Variants in SEMA5A observed in about 807,000 individuals in gnomAD.
The protein encoded by SEMA5A is semaphorin 5A, also known as semaphorin-5A.
SEMA5A carries 55 observed loss-of-function variants against 135.5 expected under a neutral mutation model. That is an observed-to-expected ratio of 0.41 (90% CI 0.33 to 0.51). The LOEUF is 0.51. SEMA5A is among the 20% of genes least tolerant of loss of function. SEMA5A has a pLI of 0.37. For synonymous variants in SEMA5A, 580 were observed against 546.5 expected, an observed-to-expected ratio of 1.06 and a Z score of -0.85; for missense variants, 1,290 against 1,419.9, an observed-to-expected ratio of 0.91 and a Z score of 1.47.
intron 1 of SEMA5A, chr5:9,511,190 G>T (rs1182115854): frequency 6.6e-6 from 1 of 152,040 alleles, no homozygotes; most frequent in Non-Finnish European, 1.5e-5. Context: ...AATTTTATAG[G>T]TATATTTACA....
At chr5:9,063,235 T>C (rs761182964) in intron 17 of SEMA5A, 130 bp from the exon 18 acceptor site, 1 of 908,994 alleles carries the variant, frequency 1.1e-6, no homozygotes, top group Non-Finnish European at 1.7e-6. Context: ...CGTTGAGCTC[T>C]TTTTACACTT....
chr5:9,283,134 G>A (rs546028870), intron 5 of SEMA5A, among the ~76,000 whole-genome samples: 47 of 152,290 alleles, frequency 3.1e-4, no homozygotes, highest in East Asian at 7.7e-4. Flanking sequence ...GATACAACTC[G>A]TTTTAGTTTC....
intron 1 of SEMA5A, among the ~76,000 whole-genome samples, chr5:9,508,993 A>G (rs899612375): frequency 6.6e-6 from 1 of 152,146 alleles, no homozygotes; most frequent in African/African-American, 2.4e-5. Context: ...AATGGCAGGC[A>G]TGATAAATCA....
At chr5:9,160,223 T>C (rs2256567) in intron 11 of SEMA5A, among the ~76,000 whole-genome samples, 79,099 of 151,964 alleles carry the variant, frequency 0.52, 23,946 homozygotes, top group Middle Eastern at 0.72. Context: ...TTCTCCTCCA[T>C]TGGAAGACTT....
At position 9,414,297 on chromosome 5, in the gene SEMA5A, C is replaced by T. The variant is rs991587657; in HGVS notation, c.-78+23459G>A. Among the ~76,000 whole-genome samples the T allele has an allele frequency of 1.7e-4, 26 of 152,150 alleles. 1 individual carries two copies. The highest frequency in any genetic ancestry group is 6.0e-4 in the African/African-American group (25 of 41,438). On this transcript the variant is annotated intron_variant, in intron 2 of 22. Transcript: ENST00000382496. ...CTACTTGGCTGCATTTAAGATCTAGCGATTCAACTATAAGGAAAAATTACT... is the reference window on the plus strand; with the variant it reads ...CTACTTGGCTGCATTTAAGATCTAGTGATTCAACTATAAGGAAAAATTACT...
At chr5:9,326,404 C>T (rs1213933706) in intron 4 of SEMA5A, among the ~76,000 whole-genome samples, 1 of 152,136 alleles carries the variant, frequency 6.6e-6, no homozygotes. Flanking sequence ...GTGCGCGCCA[C>T]CATGCCCAGC....
Position 9,236,192 on chromosome 5 carries a change from T to C in SEMA5A, c.333+1636A>G, listed in dbSNP as rs541617832. ...GTTTGGTGGGGACACAGCCAAACCA[T>C]ATCAGGCATCACACAGAGCAACCCC... On this transcript the variant is annotated intron_variant, in intron 6 of 22. Coordinates refer to ENST00000382496, the MANE Select transcript of SEMA5A (RefSeq NM_003966.3). Among the ~76,000 whole-genome samples the C allele has an allele frequency of 2.6e-5, 4 of 152,150 alleles. No homozygotes were observed. The East Asian group carries it at 7.8e-4, about 30-fold the overall frequency.
At chr5:9,467,860 G>A (rs1329840450) in intron 1 of SEMA5A, among the ~76,000 whole-genome samples, 2 of 152,236 alleles carry the variant, frequency 1.3e-5, no homozygotes, top group African/African-American at 2.4e-5. Flanking sequence ...AAACACTGCA[G>A]ATGAAAGTTT....
intron 1 of SEMA5A, among the ~76,000 whole-genome samples, chr5:9,513,271 C>G (rs2126851778): frequency 6.6e-6 from 1 of 151,724 alleles, no homozygotes; most frequent in East Asian, 1.9e-4. Flanking sequence ...TAGTATTAAA[C>G]CAGAAAACTT....
At chr5:9,061,297 G>A (rs1211496531) in intron 18 of SEMA5A, among the ~76,000 whole-genome samples, 1 of 152,098 alleles carries the variant, frequency 6.6e-6, no homozygotes, top group Non-Finnish European at 1.5e-5. Flanking sequence ...TGACATGAAT[G>A]AAGAAAGATC....
At chr5:9,070,879 G>A (rs1271411849) in intron 16 of SEMA5A, among the ~76,000 whole-genome samples, 2 of 152,250 alleles carry the variant, frequency 1.3e-5, no homozygotes, top group Non-Finnish European at 1.5e-5. Flanking sequence ...ATCTTAATGA[G>A]CAAAATCATG....
At position 9,237,904 on chromosome 5, in the gene SEMA5A, CA is replaced by C. The variant is rs745869438; in HGVS notation, c.271-15del. On this transcript the variant is annotated splice_polypyrimidine_tract_variant and intron_variant, in intron 5 of 22. Coordinates refer to ENST00000382496, the MANE Select transcript of SEMA5A (RefSeq NM_003966.3). The stretch of plus-strand genomic sequence containing the variant: ...CCATTCCACAGCCTGTAGAAAACAC[CA>C]AAACAATAGCAGTCATGGTTTTGAC... 3 of 1,612,188 alleles carry C rather than the reference CA, an allele frequency of 1.9e-6. No individual in the cohort carries two copies. The South Asian group carries it at 3.3e-5, about 18-fold the overall frequency.
chr5:9,492,294 C>T (rs1274461014), intron 1 of SEMA5A, among the ~76,000 whole-genome samples: 2 of 152,162 alleles, frequency 1.3e-5, no homozygotes, highest in African/African-American at 4.8e-5. Flanking sequence ...AGTGTTATTG[C>T]ACCTTTTTCC....
chr5:9,122,473 G>C (rs757048683), intron 14 of SEMA5A, among the ~76,000 whole-genome samples, 183 bp downstream of exon 14: 4 of 152,090 alleles, frequency 2.6e-5, no homozygotes, highest in Non-Finnish European at 4.4e-5. Context: ...GCGTAGATCT[G>C]TAATCCAATT....
chr5:9,523,123 G>A (rs919037649), intron 1 of SEMA5A: 2 of 152,138 alleles, frequency 1.3e-5, no homozygotes, highest in African/African-American at 4.8e-5. Context: ...AACTCATCCA[G>A]TCAAGAGGAA....
At chr5:9,424,582 C>T (rs963467308) in intron 2 of SEMA5A, among the ~76,000 whole-genome samples, 1 of 152,126 alleles carries the variant, frequency 6.6e-6, no homozygotes, top group Non-Finnish European at 1.5e-5. Context: ...TCTCTAGACC[C>T]GATGAGAAAT....
intron 2 of SEMA5A, among the ~76,000 whole-genome samples, chr5:9,393,786 C>T (rs1561216257): frequency 1.3e-5 from 2 of 152,180 alleles, no homozygotes; most frequent in East Asian, 1.9e-4. Flanking sequence ...GAATGTGCTG[C>T]CTTAGCCTTA....
intron 1 of SEMA5A, among the ~76,000 whole-genome samples, chr5:9,469,004 T>C (rs1233409116): frequency 1.3e-5 from 2 of 152,092 alleles, no homozygotes; most frequent in African/African-American, 4.8e-5. Flanking sequence ...TTTTTTTGTT[T>C]TGTTTTGTTT....
intron 5 of SEMA5A, among the ~76,000 whole-genome samples, chr5:9,315,143 A>C (rs1752335534): frequency 6.6e-6 from 1 of 152,218 alleles, no homozygotes; most frequent in African/African-American, 2.4e-5. Context: ...ACATCATGTC[A>C]GTAAAATTTG....
Sources: allele counts gnomAD v4.1 joint callset (sites outside exome capture counted in the v4.1 genomes callset), GRCh38; gene constraint gnomAD v4.1.1; transcripts MANE v1.5; gene names NCBI Gene and HGNC (gene_info 2026-07-23, HGNC 2026-07-21).